TRAK1: variants seen among roughly 807,000 people sequenced by gnomAD.
TRAK1 encodes the protein trafficking kinesin-binding protein 1.
A neutral mutation model predicts 92.1 loss-of-function variants in TRAK1; 33 were observed. The ratio of observed to expected loss-of-function variants is 0.36; its 90% CI spans 0.27 to 0.48. TRAK1 has a LOEUF of 0.48. TRAK1 is among the 20% of genes least tolerant of loss of function. The pLI is 0.99. For synonymous variants in TRAK1, 521 were observed against 517.3 expected, an observed-to-expected ratio of 1.01 and a Z score of -0.10; for missense variants, 1,123 against 1,257.9, an observed-to-expected ratio of 0.89 and a Z score of 1.62.
At chr3:42,170,015 G>T (rs1331466381) in intron 2 of TRAK1, among the ~76,000 whole-genome samples, 1 of 152,178 alleles carries the variant, frequency 6.6e-6, no homozygotes, top group Admixed American at 6.5e-5. Flanking sequence ...CAAGTGCGAG[G>T]CCAGACATCT....
chr3:42,179,151 C>T (rs746215922), intron 3 of TRAK1, among the ~76,000 whole-genome samples: 11 of 152,176 alleles, frequency 7.2e-5, no homozygotes, highest in South Asian at 2.1e-4. Flanking sequence ...ATGGCAACAG[C>T]GTCTGTTTAT....
At position 42,202,736 on chromosome 3, in the gene TRAK1, C is replaced by T. The variant is rs779450702; in HGVS notation, c.1728C>T (p.Ile576=). ...CCTACCTGCCTGAGAAGCTCCAGATCGTGAAGCCGCTGGAAGGTGATCACG... is the reference window on the plus strand; with the variant it reads ...CCTACCTGCCTGAGAAGCTCCAGATTGTGAAGCCGCTGGAAGGTGATCACG... ...SRSYLPEKLQ[I]VKPLEGSATL... is the part of the protein sequence containing the mutation. Residue 576 remains isoleucine (I), a synonymous_variant, in exon 13 of 16, where the codon ATC becomes ATT. Transcript: ENST00000327628. The surrounding 1 kb of genome is among the most constrained non-coding windows in gnomAD (Gnocchi z 6.1). 19 of 1,613,928 alleles carry T rather than the reference C, an allele frequency of 1.2e-5. 1 individual carries two copies. The highest frequency in any genetic ancestry group is 2.2e-5 in the East Asian group (1 of 44,870).
At chr3:42,047,644 C>G (rs1478067998) in intron 1 of TRAK1, among the ~76,000 whole-genome samples, 1 of 152,082 alleles carries the variant, frequency 6.6e-6, no homozygotes, top group Non-Finnish European at 1.5e-5. Flanking sequence ...AACTCTGGCA[C>G]CCATAGATAC....
At chr3:42,141,953 T>C (rs1489426591) in intron 2 of TRAK1, among the ~76,000 whole-genome samples, 1 of 152,080 alleles carries the variant, frequency 6.6e-6, no homozygotes, top group Non-Finnish European at 1.5e-5. Context: ...CTGGCTAACA[T>C]GACGAAAACC....
rs143747509 is a variant in TRAK1 at position 42,140,356 on chromosome 3, G to A, written c.286+14742G>A. Among the ~76,000 whole-genome samples the A allele has an allele frequency of 5.0e-3, 760 of 152,310 alleles. 4 individuals are homozygous for A. Among genetic ancestry groups the A allele is most frequent in the African/African-American group, 0.018 (730 of 41,582 alleles). ...TTAAAAAATAAAGATCAGGCTGGGC[G>A]CAGTGGCTCATGCCTGTAATCCCAG... is the stretch of plus-strand genomic sequence containing the variant. On this transcript the variant is annotated intron_variant, in intron 2 of 15. Transcript: ENST00000327628.
At chr3:42,073,951 C>T (rs991404710) in intron 1 of TRAK1, among the ~76,000 whole-genome samples, 2 of 152,186 alleles carry the variant, frequency 1.3e-5, no homozygotes, top group African/African-American at 4.8e-5. Context: ...CATATATGGA[C>T]TTGAGCAGTC....
At chr3:42,046,371 C>T (rs1252075386) in intron 1 of TRAK1, among the ~76,000 whole-genome samples, 5 of 150,892 alleles carry the variant, frequency 3.3e-5, no homozygotes, top group African/African-American at 1.2e-4. Flanking sequence ...ATAATTTTTA[C>T]ACCGTTCAGG....
intron 3 of TRAK1, among the ~76,000 whole-genome samples, chr3:42,180,740 A>C (rs1242983060): frequency 1.3e-5 from 2 of 151,948 alleles, no homozygotes; most frequent in Admixed American, 1.3e-4. Flanking sequence ...AAGGGATATC[A>C]TCACTTCAAG....
chr3:42,095,404 AT>A (rs1705757399), intron 1 of TRAK1, among the ~76,000 whole-genome samples: 1 of 152,098 alleles, frequency 6.6e-6, no homozygotes, highest in East Asian at 1.9e-4. Context: ...TGTTTTACTA[AT>A]TTCATTTACT....
intron 1 of TRAK1, among the ~76,000 whole-genome samples, chr3:42,063,265 C>A (rs760202706): frequency 3.3e-5 from 5 of 152,366 alleles, no homozygotes; most frequent in South Asian, 4.1e-4. Flanking sequence ...TTTTCCGCTT[C>A]GCGGGAAAAG....
chr3:42,127,347 C>CTTT (rs71741232), intron 2 of TRAK1, among the ~76,000 whole-genome samples: 4 of 127,826 alleles, frequency 3.1e-5, no homozygotes, highest in East Asian at 2.2e-4. Flanking sequence ...CATTCATACA[C>CTTT]TTTTTTTTTT....
intron 3 of TRAK1, among the ~76,000 whole-genome samples, chr3:42,177,434 C>G (rs1257896182): frequency 6.6e-6 from 1 of 152,174 alleles, no homozygotes. Flanking sequence ...ATGAAGGTCT[C>G]TAGAAACAGA....
chr3:42,082,436 C>G (rs1421236266), upstream of TRAK1, among the ~76,000 whole-genome samples: 1 of 98,190 alleles, frequency 1.0e-5, no homozygotes, highest in Non-Finnish European at 2.3e-5. Flanking sequence ...CCGTCTTTAT[C>G]AAAAATAAAA....
chr3:42,149,149 C>G (rs748828049), intron 2 of TRAK1: 65 of 999,044 alleles, frequency 6.5e-5, no homozygotes, highest in Non-Finnish European at 7.3e-5. Context: ...GAGCAGGAGA[C>G]GAGGCTTGAG....
intron 1 of TRAK1, among the ~76,000 whole-genome samples, chr3:42,027,472 C>T (rs1245940479): frequency 6.6e-6 from 1 of 151,112 alleles, no homozygotes; most frequent in East Asian, 1.9e-4. Flanking sequence ...GCAGTGAGCC[C>T]AGATCACGCC....
chr3:42,074,890 G>A (rs1156450538), intron 1 of TRAK1, among the ~76,000 whole-genome samples: 1 of 152,068 alleles, frequency 6.6e-6, no homozygotes, highest in Non-Finnish European at 1.5e-5. Context: ...GGTGTCTGTT[G>A]TTCCCTTCTT....
intron 2 of TRAK1, among the ~76,000 whole-genome samples, chr3:42,156,442 G>A (rs1222412035): frequency 6.6e-6 from 1 of 152,196 alleles, no homozygotes; most frequent in African/African-American, 2.4e-5. Flanking sequence ...GTCTTACACA[G>A]CAGCCAGCCC....
Position 42,091,520 on chromosome 3 carries a change from A to G in TRAK1, c.51A>G (p.Pro17=). 6.2e-7 allele frequency: 1 copy of G among 1,613,522 alleles called. No individual in the cohort carries two copies. Among genetic ancestry groups the G allele is most frequent in the Non-Finnish European group, 8.5e-7 (1 of 1,179,876 alleles). ...AGCCCGTCAGGGCTCAGCCTCTGCC[A>G]GGACTCTGCCACGGCAAGCTCATTC... is the stretch of plus-strand genomic sequence containing the variant. ...FGQPVRAQPL[P]GLCHGKLIRT... The change falls in exon 1 of 16, where the codon CCA becomes CCG. Residue 17 remains proline (P), a synonymous_variant. Coordinates refer to ENST00000327628, the MANE Select transcript of TRAK1 (RefSeq NM_001042646.3).
At chr3:42,113,574 C>T (rs557229011) in intron 1 of TRAK1, among the ~76,000 whole-genome samples, 11 of 151,800 alleles carry the variant, frequency 7.2e-5, no homozygotes, top group African/African-American at 2.2e-4. Context: ...CCATCACACT[C>T]GGCTGATTTT....
Sources: gnomAD v4.1 joint callset for allele counts (sites outside exome capture counted in the v4.1 genomes callset) on GRCh38, gnomAD v4.1.1 for gene constraint, Gnocchi (gnomAD v3.1) non-coding constraint, MANE v1.5 for transcripts, NCBI Gene and HGNC (gene_info 2026-07-23, HGNC 2026-07-21) for gene names.